The following CYTH4 variants were observed in gnomAD, a reference collection of about 807,000 sequenced individuals.
CYTH4 encodes cytohesin-4.
In CYTH4, 22 loss-of-function variants were observed where a neutral mutation model predicts 57.5. The observed-to-expected ratio is 0.38, with a 90% confidence interval of 0.27 to 0.55. The LOEUF is 0.55. Among genes scored for constraint, CYTH4 ranks in the 20% least tolerant of loss-of-function variants. The pLI is 0.74. For missense variants in CYTH4, 420 were observed against 535.6 expected, an observed-to-expected ratio of 0.78 and a Z score of 2.13; for synonymous variants, 186 against 206.5, an observed-to-expected ratio of 0.90 and a Z score of 0.85.
chr22:37,297,194 T>TA (rs975297660), intron 4 of CYTH4, among the ~76,000 whole-genome samples: 16 of 152,178 alleles, frequency 1.1e-4, no homozygotes, highest in Non-Finnish European at 1.5e-5. Context: ...ACGCTATTTT[T>TA]AAATAATATG....
chr22:37,312,208 G>C lies in CYTH4; in HGVS notation c.1112+34G>C, dbSNP rs772332216. On this transcript the variant is annotated intron_variant, in intron 12 of 12. Transcript: ENST00000248901. Reference sequence around the variant, plus strand: ...TGCCCAGGTCTGGGGACGGCTTCCCGTCACCTTCCAGAAGGCCCTGCTTCT... The same window carrying C: ...TGCCCAGGTCTGGGGACGGCTTCCCCTCACCTTCCAGAAGGCCCTGCTTCT... 4 of 1,603,710 alleles carry C rather than the reference G, an allele frequency of 2.5e-6. No homozygotes were observed. The South Asian group carries it at 4.4e-5, about 18-fold the overall frequency.
chr22:37,314,566 G>A lies in CYTH4; in HGVS notation c.*1055G>A, dbSNP rs183078323. On this transcript the variant is annotated 3_prime_UTR_variant, in exon 13 of 13. Coordinates refer to ENST00000248901, the MANE Select transcript of CYTH4 (RefSeq NM_013385.5). ...ATGGCTTTCCTGCAAGACCACTGAC[G>A]AGCAGTCCCATGGTGATAAAGGGCA... is the stretch of plus-strand genomic sequence containing the variant. 3.8e-3 allele frequency: 1,499 copies of A among 396,818 alleles called. 4 individuals carry two copies. The highest frequency in any genetic ancestry group is 4.0e-3 in the Non-Finnish European group (893 of 225,420). The allele number at this position is 396,818 out of a possible 1,614,324, so 24.6% of individuals were successfully genotyped here.
chr22:37,296,154 C>T (rs936013664), intron 4 of CYTH4, 89 bp downstream of exon 4: 69 of 1,319,908 alleles, frequency 5.2e-5, no homozygotes, highest in Non-Finnish European at 6.5e-5. Context: ...TCGGCTGACA[C>T]GACCCCTTTC....
chr22:37,308,785 T>A lies in CYTH4; in HGVS notation c.697-427T>A, dbSNP rs113483459. ...GTGTGAGCGTGCCTGCATGTGTGTA[T>A]GTGTGTGAACATGCATGTGTGTGCA... On this transcript the variant is annotated intron_variant, in intron 8 of 12. Coordinates refer to ENST00000248901, the MANE Select transcript of CYTH4 (RefSeq NM_013385.5). Among the ~76,000 whole-genome samples, 1,454 of 151,296 alleles carry A rather than the reference T, an allele frequency of 9.6e-3. 29 individuals carry two copies. Among genetic ancestry groups the A allele is most frequent in the African/African-American group, 0.034 (1,377 of 40,738 alleles).
At chr22:37,313,385 A>G (rs374039047) in intron 12 of CYTH4, 54 bp from the exon 13 acceptor site, 97 of 1,566,614 alleles carry the variant, frequency 6.2e-5, no homozygotes, top group Non-Finnish European at 7.8e-5. Flanking sequence ...CTGGGAGAGC[A>G]GACCACCTTG....
At chr22:37,308,585 T>C (rs572084088) in intron 8 of CYTH4, among the ~76,000 whole-genome samples, 3 of 150,934 alleles carry the variant, frequency 2.0e-5, no homozygotes, top group Non-Finnish European at 4.4e-5. Flanking sequence ...TGTGAGCGTG[T>C]ATATGTGTCT....
intron 1 of CYTH4, among the ~76,000 whole-genome samples, chr22:37,287,337 T>A (rs921646252): frequency 2.6e-5 from 4 of 152,044 alleles, no homozygotes; most frequent in Non-Finnish European, 5.9e-5. Flanking sequence ...GGAGCATCTG[T>A]AGGAATGCTG....
chr22:37,311,428 C>T lies in CYTH4; in HGVS notation c.886-28C>T. 1 of 1,608,872 alleles carries T rather than the reference C, an allele frequency of 6.2e-7. No homozygotes were observed. The highest frequency in any genetic ancestry group is 2.2e-5 in the East Asian group (1 of 44,844). On this transcript the variant is annotated intron_variant, in intron 10 of 12. Coordinates refer to ENST00000248901, the MANE Select transcript of CYTH4 (RefSeq NM_013385.5). The surrounding 1 kb of genome is among the most constrained non-coding windows in gnomAD (Gnocchi z 4.4). Reference sequence around the variant, plus strand: ...GGGCCTCAGGGTTCCGCTTCCTGACCCTGACCTTCCTTCCCCTTTCCCTGT... The same window carrying T: ...GGGCCTCAGGGTTCCGCTTCCTGACTCTGACCTTCCTTCCCCTTTCCCTGT...
chr22:37,286,082 CT>C (rs1420465806), intron 1 of CYTH4, among the ~76,000 whole-genome samples: 1 of 140,808 alleles, frequency 7.1e-6, no homozygotes, highest in East Asian at 2.1e-4. Context: ...TTCCCCAGCT[CT>C]GCAAAGTTGG....
intron 8 of CYTH4, among the ~76,000 whole-genome samples, chr22:37,307,371 T>C (rs970732987): frequency 6.6e-6 from 1 of 152,342 alleles, no homozygotes; most frequent in African/African-American, 2.4e-5. Context: ...TATTTGTCTG[T>C]GCTGACAGCT....
chr22:37,313,118 A>G (rs1929708678), intron 12 of CYTH4, among the ~76,000 whole-genome samples: 1 of 152,198 alleles, frequency 6.6e-6, no homozygotes, highest in African/African-American at 2.4e-5. Context: ...GCTCCACCCC[A>G]AGCTCTTCCC....
chr22:37,284,928 G>A (rs1267438978), intron 1 of CYTH4, among the ~76,000 whole-genome samples: 1 of 146,248 alleles, frequency 6.8e-6, no homozygotes, highest in Non-Finnish European at 1.5e-5. Flanking sequence ...TAAAAATAGA[G>A]CCAGCTCGGC....
intron 1 of CYTH4, among the ~76,000 whole-genome samples, chr22:37,284,518 C>T (rs1191436565): frequency 6.6e-6 from 1 of 152,214 alleles, no homozygotes; most frequent in Non-Finnish European, 1.5e-5. Flanking sequence ...GTTGCCCAGA[C>T]TGGGTCTTAA....
Position 37,311,630 on chromosome 22 carries a change from C to G in CYTH4, c.957+103C>G. 1 of 1,207,456 alleles carries G rather than the reference C, an allele frequency of 8.3e-7. No individual in the cohort carries two copies. Among genetic ancestry groups the G allele is most frequent in the Non-Finnish European group, 1.2e-6 (1 of 826,278 alleles). The allele number at this position is 1,207,456 out of a possible 1,614,324, so 74.8% of individuals were successfully genotyped here. Reference sequence around the variant, plus strand: ...AGGCTGGGCTCTCCAGGAAGCCAGGCTGTGCCCCTTACACCTTCCCTGTGG... The same window carrying G: ...AGGCTGGGCTCTCCAGGAAGCCAGGGTGTGCCCCTTACACCTTCCCTGTGG... On this transcript the variant is annotated intron_variant, in intron 11 of 12. Coordinates refer to ENST00000248901, the MANE Select transcript of CYTH4 (RefSeq NM_013385.5). This position sits in a 1 kb window ranked among gnomAD's most constrained non-coding sequence, Gnocchi z 4.4.
intron 4 of CYTH4, 56 bp from the exon 5 acceptor site, chr22:37,297,508 C>G (rs1273291923): frequency 2.0e-6 from 3 of 1,508,696 alleles, no homozygotes; most frequent in African/African-American, 2.8e-5. Context: ...TCCCTTCCCC[C>G]TCCCAGGCCT....
chr22:37,312,752 A>G (rs1929692838), intron 12 of CYTH4, among the ~76,000 whole-genome samples: 1 of 152,202 alleles, frequency 6.6e-6, no homozygotes, highest in Non-Finnish European at 1.5e-5. Context: ...GGGTGAGGAA[A>G]GCCAAAGTGT....
At chr22:37,299,375 A>T in intron 6 of CYTH4, 69 bp downstream of exon 6, 4 of 1,342,778 alleles carry the variant, frequency 3.0e-6, no homozygotes, top group Non-Finnish European at 4.3e-6. Context: ...GGGTGTCGCG[A>T]TCCACATAGC....
chr22:37,294,668 G>T lies in CYTH4; in HGVS notation c.111G>T (p.Lys37Asn). 6.2e-7 allele frequency: 1 copy of T among 1,613,818 alleles called. No homozygotes were observed. Among genetic ancestry groups the T allele is most frequent in the Non-Finnish European group, 8.5e-7 (1 of 1,179,802 alleles). Residue 37 changes from lysine (K) to asparagine (N), a missense_variant, in exon 3 of 13, where the codon AAG (lysine) becomes AAT (asparagine). Coordinates refer to ENST00000248901, the MANE Select transcript of CYTH4 (RefSeq NM_013385.5). ...KQLLEDIQKL[K>N]DEIADVFAQI... Reference sequence around the variant, plus strand: ...CCCCTGCCACCCCACAGAAGCTGAAGGATGAGATTGCAGATGTGTTTGCCC... The same window carrying T: ...CCCCTGCCACCCCACAGAAGCTGAATGATGAGATTGCAGATGTGTTTGCCC...
At chr22:37,308,115 TC>T (rs1194324253) in intron 8 of CYTH4, among the ~76,000 whole-genome samples, 1 of 152,138 alleles carries the variant, frequency 6.6e-6, no homozygotes, top group African/African-American at 2.4e-5. Context: ...ACAGCCAGCA[TC>T]CCACCCTGGG....
Sources: allele counts gnomAD v4.1 joint callset (sites outside exome capture counted in the v4.1 genomes callset), GRCh38; gene constraint gnomAD v4.1.1; non-coding constraint Gnocchi (gnomAD v3.1); transcripts MANE v1.5; gene names NCBI Gene and HGNC (gene_info 2026-07-23, HGNC 2026-07-21).